Variants in FAM200B observed in about 807,000 individuals in gnomAD.
FAM200B encodes the protein protein FAM200B.
A neutral mutation model predicts 33.1 loss-of-function variants in FAM200B; 32 were observed. The ratio of observed to expected loss-of-function variants is 0.97; its 90% CI spans 0.73 to 1.30. The LOEUF is 1.30. FAM200B is among the 50% of genes most tolerant of loss of function. The probability of loss-of-function intolerance (pLI) is 0.00; values close to 1 mark genes in which losing one functional copy is unlikely to be tolerated. For missense variants in FAM200B, 741 were observed against 754.0 expected, an observed-to-expected ratio of 0.98 and a Z score of 0.20; for synonymous variants, 240 against 264.8, an observed-to-expected ratio of 0.91 and a Z score of 0.91.
chr4:15,655,344 C>G, the FAM200B span: 4 of 1,286,832 alleles, frequency 3.1e-6, no homozygotes, highest in African/African-American at 6.3e-5. Flanking sequence ...CCATAGACAC[C>G]CTCGCCGCGG....
intron 1 of FAM200B, among the ~76,000 whole-genome samples, chr4:15,683,565 TATAAAA>T (rs1175765336): frequency 6.6e-6 from 1 of 152,202 alleles, no homozygotes; most frequent in African/African-American, 2.4e-5. Context: ...TATATAGTAA[TATAAAA>T]ATAAGATACT....
Position 15,687,120 on chromosome 4 carries a change from C to A in FAM200B, c.143C>A (p.Ser48Ter). The A allele has an allele frequency of 6.5e-7, 1 of 1,548,546 alleles. No individual in the cohort carries two copies. Among genetic ancestry groups the A allele is most frequent in the Non-Finnish European group, 8.7e-7 (1 of 1,145,924 alleles). Residue 48 changes from serine to a stop codon, truncating the protein, a stop_gained, in exon 2 of 2, where the codon TCA becomes TAA. Coordinates refer to ENST00000422728, the MANE Select transcript of FAM200B (RefSeq NM_001145191.2). LOFTEE classifies it high-confidence loss of function. ...NTDSNLQTST[S>*]FEPHFKKKKV... ...GACTCCAATCTGCAAACTTCAACTT[C>A]ATTTGAGCCACATTTCAAAAAGAAA...
At chr4:15,642,670 T>A in the FAM200B span, among the ~76,000 whole-genome samples, 1 of 152,238 alleles carries the variant, frequency 6.6e-6, no homozygotes, top group Non-Finnish European at 1.5e-5. Flanking sequence ...TTACACATTT[T>A]CCCTAAGCAT....
At chr4:15,649,918 C>A in the FAM200B span, among the ~76,000 whole-genome samples, 1 of 152,150 alleles carries the variant, frequency 6.6e-6, no homozygotes, top group Non-Finnish European at 1.5e-5. Context: ...GACCAAGTCC[C>A]TAAAACTCTA....
the FAM200B span, among the ~76,000 whole-genome samples, chr4:15,665,230 C>T: frequency 2.6e-5 from 4 of 152,184 alleles, no homozygotes; most frequent in Non-Finnish European, 4.4e-5. Context: ...GTTCCAGTGG[C>T]GGGTTGTTTC....
Position 15,686,800 on chromosome 4 carries a change from T to A in FAM200B, c.-178T>A. 2.4e-6 allele frequency: 1 copy of A among 410,792 alleles called. No individual in the cohort carries two copies. Among genetic ancestry groups the A allele is most frequent in the Admixed American group, 4.2e-5 (1 of 24,070 alleles). 25.4% of individuals were successfully genotyped at this position (410,792 alleles called of 1,614,324 possible). A position where few individuals can be genotyped will look rare whatever the true frequency, so the allele number is the denominator to read the frequency against. ...TAATAGCACGGTTAATGTTCTATAG[T>A]CAAGTTTTATATTACAATTACTTGC... On this transcript the variant is annotated 5_prime_UTR_variant, in exon 2 of 2. Transcript: ENST00000422728.
intron 1 of FAM200B, among the ~76,000 whole-genome samples, chr4:15,683,685 T>C (rs1718566207): frequency 6.6e-6 from 1 of 152,226 alleles, no homozygotes; most frequent in African/African-American, 2.4e-5. Flanking sequence ...GTTTCTACTA[T>C]TTCTTAACAT....
the FAM200B span, among the ~76,000 whole-genome samples, chr4:15,637,755 C>A: frequency 2.0e-5 from 3 of 152,118 alleles, no homozygotes; most frequent in Non-Finnish European, 4.4e-5. Context: ...TTAGTTTCAA[C>A]ATGCATTTCA....
the FAM200B span, among the ~76,000 whole-genome samples, chr4:15,648,426 G>C: frequency 1.3e-5 from 2 of 152,158 alleles, no homozygotes; most frequent in Non-Finnish European, 2.9e-5. Context: ...AGAGATATCT[G>C]CACTCCCATG....
chr4:15,670,639 C>A, the FAM200B span, among the ~76,000 whole-genome samples: 2 of 151,920 alleles, frequency 1.3e-5, no homozygotes, highest in Non-Finnish European at 2.9e-5. Flanking sequence ...CTGGGCCCCT[C>A]CCCCCACAAA....
the FAM200B span, chr4:15,640,692 T>A: frequency 1.7e-6 from 1 of 587,738 alleles, no homozygotes; most frequent in Non-Finnish European, 2.9e-6. Context: ...ATCAACCAGA[T>A]ACATCTTCCT....
In FAM200B at chr4:15,686,477, A is replaced by G. The variant is rs1443655921; in HGVS notation, c.-501A>G. ...ACATACTCAAGGTACCAACACAGCAAAGGCACAAAATGTCTCTATATCAGT... is the reference window on the plus strand; with the variant it reads ...ACATACTCAAGGTACCAACACAGCAGAGGCACAAAATGTCTCTATATCAGT... On this transcript the variant is annotated 5_prime_UTR_variant, in exon 2 of 2. Transcript: ENST00000422728. 6.6e-6 allele frequency: 1 copy of G among 152,268 alleles called. No homozygotes were observed. The highest frequency in any genetic ancestry group is 1.5e-5 in the Non-Finnish European group (1 of 68,078). 9.4% of individuals were successfully genotyped at this position (152,268 alleles called of 1,614,324 possible). A position where few individuals can be genotyped will look rare whatever the true frequency, so the allele number is the denominator to read the frequency against.
At chr4:15,670,785 A>G in the FAM200B span, among the ~76,000 whole-genome samples, 1 of 151,796 alleles carries the variant, frequency 6.6e-6, no homozygotes, top group Non-Finnish European at 1.5e-5. Flanking sequence ...TCCCTAGTGT[A>G]TTTCTACCTG....
upstream of FAM200B, among the ~76,000 whole-genome samples, chr4:15,677,107 G>A (rs992001867): frequency 1.1e-4 from 17 of 152,072 alleles, no homozygotes; most frequent in African/African-American, 4.1e-4. Context: ...GACAAGCAAG[G>A]TAACAGATAA....
chr4:15,662,720 T>C, the FAM200B span, among the ~76,000 whole-genome samples: 7 of 152,194 alleles, frequency 4.6e-5, no homozygotes, highest in African/African-American at 1.7e-4. Flanking sequence ...ATCCATTCAA[T>C]CCATTATCTT....
At chr4:15,672,968 C>T in the FAM200B span, among the ~76,000 whole-genome samples, 2 of 152,100 alleles carry the variant, frequency 1.3e-5, no homozygotes, top group African/African-American at 2.4e-5. Flanking sequence ...TCACAATCAA[C>T]AGTATCACTG....
upstream of FAM200B, chr4:15,681,606 T>A (rs758091995): frequency 1.3e-5 from 2 of 152,612 alleles, no homozygotes; most frequent in Non-Finnish European, 2.9e-5. Context: ...GTTACCGCCC[T>A]GGCATTCAAA....
At chr4:15,674,939 G>A in the FAM200B span, among the ~76,000 whole-genome samples, 104 of 152,144 alleles carry the variant, frequency 6.8e-4, 1 homozygote, top group South Asian at 0.019. Context: ...ACGAGCCACC[G>A]CACCCAGTCG....
At chr4:15,671,282 C>G in the FAM200B span, among the ~76,000 whole-genome samples, 1 of 152,026 alleles carries the variant, frequency 6.6e-6, no homozygotes, top group Admixed American at 6.6e-5. Flanking sequence ...AAATATGTTG[C>G]TCTACTGGCT....
Sources: allele counts gnomAD v4.1 joint callset (sites outside exome capture counted in the v4.1 genomes callset), GRCh38; gene constraint gnomAD v4.1.1; transcripts MANE v1.5; gene names NCBI Gene and HGNC (gene_info 2026-07-23, HGNC 2026-07-21).